Variants in UTP20 observed in about 807,000 individuals in gnomAD.
UTP20 encodes the protein UTP20 small subunit processome component.
In UTP20, 164 loss-of-function variants were observed where a neutral mutation model predicts 329.5. The ratio of observed to expected loss-of-function variants is 0.50; its 90% CI spans 0.44 to 0.57. The LOEUF is 0.57. UTP20 is among the 20% of genes least tolerant of loss of function. The pLI is 0.00. For synonymous variants in UTP20, 1,151 were observed against 1,159.3 expected, an observed-to-expected ratio of 0.99 and a Z score of 0.14; for missense variants, 3,055 against 3,284.2, an observed-to-expected ratio of 0.93 and a Z score of 1.71.
intron 39 of UTP20, 67 bp from the exon 40 acceptor site, chr12:101,352,980 T>C: frequency 1.0e-6 from 1 of 975,596 alleles, no homozygotes. Context: ...TTAAATTTCC[T>C]CTCCTTTTAT....
chr12:101,370,493 T>A lies in UTP20; in HGVS notation c.6617T>A (p.Val2206Asp), dbSNP rs1368337868. The A allele has an allele frequency of 6.2e-7, 1 of 1,614,058 alleles. No individual in the cohort carries two copies. The highest frequency in any genetic ancestry group is 1.7e-5 in the Admixed American group (1 of 60,012). ...SYQITEKQLQ[V>D]LLAYAEEDIY... Reference sequence around the variant, plus strand: ...CAGATAACTGAAAAACAGCTCCAAGTTCTACTGGCCTATGCTGAGGAGGAC... The same window carrying A: ...CAGATAACTGAAAAACAGCTCCAAGATCTACTGGCCTATGCTGAGGAGGAC... Residue 2206 changes from valine (V) to aspartate (D), a missense_variant, in exon 50 of 62, where the codon GTT becomes GAT. Val to Asp is a radical substitution (Grantham distance 152, BLOSUM62 -3). Coordinates refer to ENST00000261637, the MANE Select transcript of UTP20 (RefSeq NM_014503.3).
At position 101,383,666 on chromosome 12, in the gene UTP20, C is replaced by T; in HGVS notation, c.8053C>T (p.Gln2685Ter). Residue 2685 changes from glutamine (Q) to a stop codon, truncating the protein, a stop_gained, in exon 60 of 62, where the codon CAA becomes TAA. Coordinates refer to ENST00000261637, the MANE Select transcript of UTP20 (RefSeq NM_014503.3). LOFTEE classifies it high-confidence loss of function. ...FRELNSTYSE[Q>*]DPLLKNLSQE... The stretch of plus-strand genomic sequence containing the variant: ...GGAACTCAACAGCACCTATTCAGAG[C>T]AAGGTAACCCTGCCTCGTCTGTTCT... The T allele has an allele frequency of 6.3e-7, 1 of 1,597,636 alleles. No homozygotes were observed. Among genetic ancestry groups the T allele is most frequent in the Non-Finnish European group, 8.5e-7 (1 of 1,170,570 alleles).
In UTP20 at chr12:101,312,032, G is replaced by A. The variant is rs1172472020; in HGVS notation, c.2312-4G>A. 3.7e-6 allele frequency: 6 copies of A among 1,614,098 alleles called. No homozygotes were observed. Among genetic ancestry groups the A allele is most frequent in the South Asian group, 3.3e-5 (3 of 91,078 alleles). On this transcript the variant is annotated splice_region_variant and splice_polypyrimidine_tract_variant and intron_variant, in intron 20 of 61. Coordinates refer to ENST00000261637, the MANE Select transcript of UTP20 (RefSeq NM_014503.3). Reference sequence around the variant, plus strand: ...GGTGGTTATGACAACTTTCTTTCTTGCAGAGAAGGAACTACAGAATGATAT... The same window carrying A: ...GGTGGTTATGACAACTTTCTTTCTTACAGAGAAGGAACTACAGAATGATAT...
chr12:101,354,889 A>T lies in UTP20; in HGVS notation c.5165A>T (p.Asp1722Val), dbSNP rs764176723. The T allele has an allele frequency of 6.2e-7, 1 of 1,614,224 alleles. No homozygotes were observed. Among genetic ancestry groups the T allele is most frequent in the Non-Finnish European group, 8.5e-7 (1 of 1,180,032 alleles). ...GAGGCCATGGAATTAGAGCGTGTGG[A>T]TGAGGAAGAGAAGGAATATACATGC... ...EPEAMELERV[D>V]EEEKEYTCKS... The change falls in exon 41 of 62, where the codon GAT becomes GTT. Residue 1722 changes from aspartate (D) to valine (V), a missense_variant. Physicochemically the swap from Asp to Val is radical, Grantham distance 152. Coordinates refer to ENST00000261637, the MANE Select transcript of UTP20 (RefSeq NM_014503.3).
In UTP20 at chr12:101,356,988, G is replaced by T; in HGVS notation, c.5597G>T (p.Arg1866Leu). ...GCCCAAGAAATCAGAGACATTGCAC[G>T]CAGCACTCTTGCGAAAATAATAGAG... ...NRAQEIRDIA[R>L]STLAKIIEDL... Residue 1866 changes from arginine to leucine, a missense_variant, in exon 43 of 62, where the codon CGC becomes CTC. Physicochemically the swap from Arg to Leu is moderately radical, Grantham distance 102 (BLOSUM62 -2). Transcript: ENST00000261637. 1 of 1,614,058 alleles carries T rather than the reference G, an allele frequency of 6.2e-7. No homozygotes were observed. Among genetic ancestry groups the T allele is most frequent in the Non-Finnish European group, 8.5e-7 (1 of 1,179,982 alleles).
chr12:101,372,216 T>A (rs1296363813), intron 51 of UTP20, among the ~76,000 whole-genome samples: 8 of 152,234 alleles, frequency 5.3e-5, no homozygotes, highest in Non-Finnish European at 1.2e-4. Context: ...ACTTGAATGA[T>A]GTCGCCTAGT....
chr12:101,295,703 A>G, intron 12 of UTP20, 45 bp downstream of exon 12: 4 of 1,514,182 alleles, frequency 2.6e-6, no homozygotes, highest in Non-Finnish European at 3.6e-6. Flanking sequence ...AAGTTTACCC[A>G]TTTAAATGTA....
At position 101,342,462 on chromosome 12, in the gene UTP20, T is replaced by C. The variant is rs73378743; in HGVS notation, c.4118T>C (p.Ile1373Thr). 5.7e-3 allele frequency: 9,210 copies of C among 1,608,184 alleles called. 495 individuals carry two copies. The African/African-American group carries it at 0.1, about 18-fold the overall frequency. ...CTTCTCAAGGATACAGAGGTTGATA[T>C]TCTGGTGACAGTACAAAACTTGTTA... ...GNIAEDTEVDILVTVQNLLKH... is the reference protein window; with the variant it reads ...GNIAEDTEVDTLVTVQNLLKH... Residue 1373 changes from isoleucine to threonine, a missense_variant, in exon 33 of 62, where the codon ATT becomes ACT. Physicochemically the swap from Ile to Thr is moderately conservative, Grantham distance 89. Coordinates refer to ENST00000261637, the MANE Select transcript of UTP20 (RefSeq NM_014503.3).
rs759858291 is a variant in UTP20, at chr12:101,361,962, G to A, written c.5692G>A (p.Val1898Ile). 4.3e-6 allele frequency: 7 copies of A among 1,612,936 alleles called. No homozygotes were observed. In the South Asian group the frequency reaches 7.7e-5, roughly 18 times the overall value. The change falls in exon 44 of 62, where the codon GTC becomes ATC. Residue 1898 changes from valine to isoleucine, a missense_variant and splice_region_variant. Around this residue, in one of 3 missense-constraint regions of UTP20, gnomAD observed 2,445 missense variants for 2,575.5 expected, o/e 0.95. Transcript: ENST00000261637. ...LQTTLVRGYQ[V>I]HVLTFTVHML... ...GTTGTTGCTGTGTGTCTCATGTTAG[G>A]TCCATGTGCTGACTTTCACCGTTCA... is the stretch of plus-strand genomic sequence containing the variant.
At chr12:101,285,458 C>A in intron 2 of UTP20, 112 bp from the exon 3 acceptor site, 1 of 1,194,198 alleles carries the variant, frequency 8.4e-7, no homozygotes, top group East Asian at 2.5e-5. Flanking sequence ...AAAAGGAGTT[C>A]TTAAACTCTT....
At chr12:101,368,595 C>T (rs191664835) in intron 48 of UTP20, among the ~76,000 whole-genome samples, 94 of 152,262 alleles carry the variant, frequency 6.2e-4, no homozygotes, top group African/African-American at 2.2e-3. Flanking sequence ...CTCACAACTT[C>T]ATGAGGGTGA....
At chr12:101,385,211 CAG>C (rs1210292240) in intron 60 of UTP20, among the ~76,000 whole-genome samples, 2 of 151,724 alleles carry the variant, frequency 1.3e-5, no homozygotes, top group East Asian at 3.9e-4. Context: ...AACAGGTAAA[CAG>C]AGGTAATTCA....
intron 16 of UTP20, 86 bp from the exon 17 acceptor site, chr12:101,306,613 A>T: frequency 1.5e-6 from 2 of 1,293,946 alleles, no homozygotes; most frequent in Admixed American, 2.2e-5. Flanking sequence ...TTTAAATTGT[A>T]TAAAACTTAA....
intron 10 of UTP20, 94 bp downstream of exon 10, chr12:101,292,198 T>G: frequency 7.3e-7 from 1 of 1,363,020 alleles, no homozygotes; most frequent in African/African-American, 1.5e-5. Context: ...TGACAAAGGC[T>G]CTGCCCTCAA....
intron 43 of UTP20, among the ~76,000 whole-genome samples, 174 bp downstream of exon 43, chr12:101,357,256 G>T (rs894114764): frequency 6.6e-6 from 1 of 152,152 alleles, no homozygotes; most frequent in Admixed American, 6.5e-5. Flanking sequence ...TGTTTAAATA[G>T]TTCCTATATC....
chr12:101,300,757 G>A (rs773130049), intron 14 of UTP20, among the ~76,000 whole-genome samples: 9 of 152,130 alleles, frequency 5.9e-5, no homozygotes, highest in South Asian at 2.1e-4. Flanking sequence ...AAATATTAAT[G>A]TGCTACATTC....
chr12:101,369,324 G>C (rs2121023116), intron 48 of UTP20, among the ~76,000 whole-genome samples: 1 of 152,250 alleles, frequency 6.6e-6, no homozygotes, highest in South Asian at 2.1e-4. Context: ...CCTATAAGTA[G>C]GTTAAAAATA....
chr12:101,310,597 A>AAAAAAAAAAAAAAC, intron 19 of UTP20, among the ~76,000 whole-genome samples: 1 of 150,342 alleles, frequency 6.7e-6, no homozygotes, highest in Non-Finnish European at 1.5e-5. Flanking sequence ...AAAAAAAAAA[A>AAAAAAAAAAAAAAC]ATACATGTTA....
At chr12:101,355,233 T>C (rs1869681907) in intron 41 of UTP20, 115 bp downstream of exon 41, 1 of 1,218,948 alleles carries the variant, frequency 8.2e-7, no homozygotes, top group Non-Finnish European at 1.1e-6. Context: ...GATTTCCTTT[T>C]ATCTCAACAC....
Sources: allele counts gnomAD v4.1 joint callset (sites outside exome capture counted in the v4.1 genomes callset), GRCh38; gene constraint gnomAD v4.1.1; regional missense constraint gnomAD v4.1.1; transcripts MANE v1.5; gene names NCBI Gene and HGNC (gene_info 2026-07-23, HGNC 2026-07-21).